TYR: variants seen among roughly 807,000 people sequenced by gnomAD.
TYR encodes LB24-AB.
Under a neutral mutation model 51.5 loss-of-function variants are expected in TYR, and 58 were observed. The observed-to-expected ratio is 1.13, with a 90% CI of 0.91 to 1.40. The LOEUF is 1.40. Among genes scored for constraint, TYR ranks in the 40% most tolerant of loss-of-function variants. The probability of loss-of-function intolerance (pLI) is 0.00; values close to 1 mark genes in which losing one functional copy is unlikely to be tolerated. For synonymous variants in TYR, 263 were observed against 235.2 expected (o/e 1.12, Z -1.08); for missense variants, 732 against 647.4 (o/e 1.13, Z -1.42).
chr11:89,204,366 A>C (rs999968041), intron 2 of TYR, among the ~76,000 whole-genome samples: 1 of 151,770 alleles, frequency 6.6e-6, no homozygotes, highest in African/African-American at 2.4e-5. Flanking sequence ...CTTCTGCTGG[A>C]GCTGAGTCAG....
intron 2 of TYR, among the ~76,000 whole-genome samples, chr11:89,208,101 T>C (rs1943696782): frequency 6.6e-6 from 1 of 151,918 alleles, no homozygotes; most frequent in South Asian, 2.1e-4. Flanking sequence ...ATCCCGTCTC[T>C]ACTAAAAATA....
intron 3 of TYR, among the ~76,000 whole-genome samples, chr11:89,260,250 C>CAAAAAAAAAAAAAAAATAA (rs778745472): frequency 1.1e-5 from 1 of 91,054 alleles, no homozygotes; most frequent in African/African-American, 3.9e-5. Flanking sequence ...GAATAAAATG[C>CAAAAAAAAAAAAAAAATAA]AAAAAAAAAA....
rs556414230 is a variant in TYR, at chr11:89,280,222, C to T, written c.1185-4551C>T. ...TAGAACCTGCCGTTTCTTCGAGGAACCCCAGTTCCCTTTACTGGAGAATAT... is the reference window on the plus strand; with the variant it reads ...TAGAACCTGCCGTTTCTTCGAGGAATCCCAGTTCCCTTTACTGGAGAATAT... On this transcript the variant is annotated intron_variant, in intron 3 of 4. Coordinates refer to ENST00000263321, the MANE Select transcript of TYR (RefSeq NM_000372.5). 7.9e-5 allele frequency among the ~76,000 whole-genome samples: 12 copies of T among 151,818 alleles called. No homozygotes were observed. The South Asian group carries it at 2.5e-3, about 31-fold the overall frequency.
intron 3 of TYR, among the ~76,000 whole-genome samples, chr11:89,261,364 GA>G (rs201381825): frequency 2.6e-5 from 4 of 151,954 alleles, no homozygotes; most frequent in Non-Finnish European, 4.4e-5. Flanking sequence ...AGGTTGAAAA[GA>G]AAAAGATATT....
At chr11:89,256,542 C>G in intron 3 of TYR, among the ~76,000 whole-genome samples, 1 of 151,402 alleles carries the variant, frequency 6.6e-6, no homozygotes, top group South Asian at 2.1e-4. Context: ...AAAACAGAAA[C>G]AATGCTAGTT....
chr11:89,215,985 A>C (rs901937529), intron 2 of TYR, among the ~76,000 whole-genome samples: 4 of 152,208 alleles, frequency 2.6e-5, no homozygotes, highest in Admixed American at 2.6e-4. Flanking sequence ...AATAATTTTT[A>C]GGATTTATAC....
rs562560128 is a variant in TYR at position 89,191,568 on chromosome 11, C to A, written c.1036+150C>A. 73 of 754,638 alleles carry A rather than the reference C, an allele frequency of 9.7e-5. 1 individual carries two copies. The South Asian group carries it at 1.2e-3, about 13-fold the overall frequency. The allele number at this position is 754,638 out of a possible 1,614,324, so 46.7% of individuals were successfully genotyped here. On this transcript the variant is annotated intron_variant, in intron 2 of 4. Transcript: ENST00000263321. Reference sequence around the variant, plus strand: ...ATACTTATATCGACAATGACCCTAGCTGACACTGGTCAGCACGTTATAATT... The same window carrying A: ...ATACTTATATCGACAATGACCCTAGATGACACTGGTCAGCACGTTATAATT...
At chr11:89,283,627 A>T (rs905620315) in intron 3 of TYR, 3 of 151,784 alleles carry the variant, frequency 2.0e-5, no homozygotes, top group African/African-American at 4.8e-5. Flanking sequence ...ATACAGCCAG[A>T]TGAAAACACA....
At chr11:89,292,589 G>A (rs1306991782) in intron 4 of TYR, among the ~76,000 whole-genome samples, 1 of 151,966 alleles carries the variant, frequency 6.6e-6, no homozygotes, top group African/African-American at 2.4e-5. Flanking sequence ...AATGTAAAAC[G>A]ATTGACCACT....
rs559331046 is a variant in TYR at position 89,295,152 on chromosome 11, C to G, written c.1376C>G (p.Ser459Cys). 22 of 1,613,916 alleles carry G rather than the reference C, an allele frequency of 1.4e-5. No individual in the cohort carries two copies. The highest frequency in any genetic ancestry group is 3.3e-5 in the Admixed American group (2 of 60,010). ...YSYLQDSDPD[S>C]FQDYIKSYLE... ...TGTCTTTTTATTTCAGACCCAGACT[C>G]TTTTCAAGACTACATTAAGTCCTAT... Residue 459 changes from serine to cysteine, a missense_variant, in exon 5 of 5, where the codon TCT (serine) becomes TGT (cysteine). Transcript: ENST00000263321.
At chr11:89,196,807 A>G (rs527941952) in intron 2 of TYR, among the ~76,000 whole-genome samples, 8 of 152,284 alleles carry the variant, frequency 5.3e-5, no homozygotes, top group East Asian at 1.9e-4. Context: ...AACCTACCCC[A>G]CAAGGGAAAA....
chr11:89,194,156 G>C (rs997294214), intron 2 of TYR, among the ~76,000 whole-genome samples: 2 of 152,056 alleles, frequency 1.3e-5, no homozygotes, highest in African/African-American at 4.8e-5. Flanking sequence ...TGGTTCTTTA[G>C]TCTGAAATAT....
intron 3 of TYR, among the ~76,000 whole-genome samples, chr11:89,254,498 G>A (rs115486259): frequency 0.015 from 2,304 of 151,476 alleles, 51 homozygotes; most frequent in African/African-American, 0.052. Context: ...TTTCAATGTC[G>A]CTGCTTTTTA....
chr11:89,221,849 A>G (rs1943915542), intron 2 of TYR, among the ~76,000 whole-genome samples: 1 of 152,208 alleles, frequency 6.6e-6, no homozygotes, highest in South Asian at 2.1e-4. Flanking sequence ...AATAAATTAA[A>G]TGTGCTCTAT....
chr11:89,187,543 T>C (rs1943390454), intron 1 of TYR, among the ~76,000 whole-genome samples: 1 of 152,120 alleles, frequency 6.6e-6, no homozygotes, highest in South Asian at 2.1e-4. Flanking sequence ...AGAGTGCCTT[T>C]ATGTGGGAAT....
At chr11:89,242,307 A>G (rs71469242) in intron 3 of TYR, among the ~76,000 whole-genome samples, 1 of 152,090 alleles carries the variant, frequency 6.6e-6, no homozygotes, top group Admixed American at 6.5e-5. Context: ...TCCCGGGTTC[A>G]AGTGATTCTT....
intron 2 of TYR, among the ~76,000 whole-genome samples, chr11:89,219,400 G>C (rs1027082920): frequency 2.0e-5 from 3 of 150,790 alleles, no homozygotes; most frequent in African/African-American, 7.3e-5. Context: ...AGGTTCAAAC[G>C]ATTCTCCTGC....
intron 3 of TYR, among the ~76,000 whole-genome samples, chr11:89,263,542 A>G (rs186581843): frequency 1.6e-3 from 237 of 152,216 alleles, no homozygotes; most frequent in African/African-American, 5.6e-3. Context: ...AAGAATAAAA[A>G]TTGTCCACAC....
intron 2 of TYR, among the ~76,000 whole-genome samples, chr11:89,218,066 A>G (rs1223466811): frequency 6.6e-6 from 1 of 152,164 alleles, no homozygotes; most frequent in African/African-American, 2.4e-5. Flanking sequence ...TTTTTCATGT[A>G]GGTTGTTCAG....
Sources: gnomAD v4.1 joint callset for allele counts (sites outside exome capture counted in the v4.1 genomes callset) on GRCh38, gnomAD v4.1.1 for gene constraint, MANE v1.5 for transcripts, NCBI Gene and HGNC (gene_info 2026-07-23, HGNC 2026-07-21) for gene names.